SGCD: variants seen among roughly 807,000 people sequenced by gnomAD.
The protein encoded by SGCD is sarcoglycan delta.
SGCD carries 18 observed loss-of-function variants against 36.6 expected under a neutral mutation model. The observed-to-expected ratio is 0.49, with a 90% CI of 0.34 to 0.73. The LOEUF (loss-of-function observed/expected upper bound fraction) is 0.73. Ranked by LOEUF, SGCD falls within the 30% of genes least tolerant of loss-of-function variation. The pLI, the probability that SGCD is intolerant of heterozygous loss-of-function variation, is 0.01. For missense variants in SGCD, 387 were observed against 346.7 expected (o/e 1.12, Z -0.92); for synonymous variants, 133 against 130.6 (o/e 1.02, Z -0.12).
intron 3 of SGCD, among the ~76,000 whole-genome samples, chr5:156,256,995 A>G (rs1765731623): frequency 6.6e-6 from 1 of 152,048 alleles, no homozygotes. Context: ...CCTGGGCAAC[A>G]TAACGAGACC....
the SGCD span, among the ~76,000 whole-genome samples, chr5:155,809,220 G>A: frequency 1.1e-4 from 17 of 152,296 alleles, no homozygotes; most frequent in Middle Eastern, 3.4e-3. Flanking sequence ...GAAATCCACC[G>A]ACTGGCACTG....
intron 7 of SGCD, among the ~76,000 whole-genome samples, chr5:156,710,845 C>T (rs1008687233): frequency 1.3e-5 from 2 of 152,116 alleles, no homozygotes; most frequent in Non-Finnish European, 2.9e-5. Context: ...CTCAGCTAAT[C>T]TCTTCAGGAT....
At chr5:156,336,436 A>G (rs1284322212) in intron 2 of SGCD, among the ~76,000 whole-genome samples, 3 of 152,218 alleles carry the variant, frequency 2.0e-5, no homozygotes, top group African/African-American at 7.2e-5. Context: ...TCATTATGAT[A>G]GGTAACAAAA....
At chr5:155,816,057 G>A in the SGCD span, among the ~76,000 whole-genome samples, 43 of 152,316 alleles carry the variant, frequency 2.8e-4, no homozygotes, top group Non-Finnish European at 4.7e-4. Flanking sequence ...ACTGAAAATA[G>A]TGGTGGTGGG....
chr5:156,255,809 C>T (rs1477915460), intron 3 of SGCD, among the ~76,000 whole-genome samples: 1 of 151,972 alleles, frequency 6.6e-6, no homozygotes, highest in South Asian at 2.1e-4. Flanking sequence ...CACCTTTTGA[C>T]TTTATTGAAC....
At chr5:155,731,746 A>G in the SGCD span, among the ~76,000 whole-genome samples, 1 of 152,166 alleles carries the variant, frequency 6.6e-6, no homozygotes, top group African/African-American at 2.4e-5. Context: ...AAATCTCTTC[A>G]GTAGCTTCCG....
chr5:156,412,333 C>A (rs548061797), intron 3 of SGCD, among the ~76,000 whole-genome samples: 8 of 152,154 alleles, frequency 5.3e-5, no homozygotes, highest in Non-Finnish European at 1.2e-4. Flanking sequence ...TATAAAAGTT[C>A]TTTAAAAAGC....
chr5:155,774,952 C>T, the SGCD span, among the ~76,000 whole-genome samples: 17 of 152,262 alleles, frequency 1.1e-4, no homozygotes, highest in Admixed American at 1.1e-3. Context: ...TGATGCTGCA[C>T]ACATTTCAGT....
intron 7 of SGCD, among the ~76,000 whole-genome samples, chr5:156,660,305 G>A (rs1763860654): frequency 6.6e-6 from 1 of 152,366 alleles, no homozygotes; most frequent in African/African-American, 2.4e-5. Context: ...GTTTGGCAGG[G>A]CAGCGATCAT....
At chr5:156,179,405 G>A (rs1415601930) in intron 3 of SGCD, among the ~76,000 whole-genome samples, 1 of 151,754 alleles carries the variant, frequency 6.6e-6, no homozygotes, top group African/African-American at 2.4e-5. Flanking sequence ...GTTTCCTTTT[G>A]TATTATTAAA....
chr5:156,623,544 T>C (rs1019747020), intron 6 of SGCD, among the ~76,000 whole-genome samples: 6 of 152,106 alleles, frequency 3.9e-5, no homozygotes, highest in African/African-American at 1.4e-4. Context: ...ACTCTTCCAG[T>C]TGGAAAGAGC....
At chr5:156,331,628 TGA>T (rs971193066) in intron 2 of SGCD, among the ~76,000 whole-genome samples, 5 of 152,212 alleles carry the variant, frequency 3.3e-5, no homozygotes, top group African/African-American at 1.2e-4. Flanking sequence ...GACTGTCTTG[TGA>T]GCACCTTGAC....
intron 7 of SGCD, among the ~76,000 whole-genome samples, chr5:156,720,207 C>T (rs1294236599): frequency 6.6e-6 from 1 of 151,956 alleles, no homozygotes; most frequent in African/African-American, 2.4e-5. Context: ...ATATTGAGCA[C>T]CAATTATGGG....
intron 3 of SGCD, among the ~76,000 whole-genome samples, chr5:156,269,338 C>T (rs1006077882): frequency 4.0e-5 from 6 of 151,630 alleles, no homozygotes; most frequent in African/African-American, 1.5e-4. Flanking sequence ...GGCATGTTGG[C>T]GGGTGCCTGT....
chr5:156,077,914 A>G (rs1290897760), intron 1 of SGCD, among the ~76,000 whole-genome samples: 1 of 152,208 alleles, frequency 6.6e-6, no homozygotes, highest in Non-Finnish European at 1.5e-5. Flanking sequence ...TAGGCTTTAG[A>G]GAAGAGCATC....
At position 156,108,946 on chromosome 5, in the gene SGCD, C is replaced by T. The variant is rs542098641; in HGVS notation, c.-281-8932C>T. Among the ~76,000 whole-genome samples the T allele has an allele frequency of 2.0e-5, 3 of 152,220 alleles. No homozygotes were observed. The South Asian group carries it at 6.2e-4, about 32-fold the overall frequency. On this transcript the variant is annotated intron_variant, in intron 1 of 9. Transcript: ENST00000517913. ...TGGAACCTTTGTATTATTTATTTGTCTCCAATAATAACAGCAACAAACAGT... is the reference window on the plus strand; with the variant it reads ...TGGAACCTTTGTATTATTTATTTGTTTCCAATAATAACAGCAACAAACAGT...
chr5:156,374,576 A>C (rs1055344281), intron 3 of SGCD, among the ~76,000 whole-genome samples: 1 of 152,194 alleles, frequency 6.6e-6, no homozygotes, highest in Non-Finnish European at 1.5e-5. Context: ...TTTGCTAAAA[A>C]ACAAAGCAAA....
At chr5:156,730,301 T>G (rs959410208) in intron 7 of SGCD, among the ~76,000 whole-genome samples, 1 of 152,150 alleles carries the variant, frequency 6.6e-6, no homozygotes, top group Non-Finnish European at 1.5e-5. Context: ...CATGGGTGTT[T>G]GTTATACAGA....
chr5:155,949,221 C>A (rs1213421387), intron 1 of SGCD, among the ~76,000 whole-genome samples: 3 of 152,168 alleles, frequency 2.0e-5, no homozygotes, highest in Non-Finnish European at 2.9e-5. Context: ...CCAACAGATG[C>A]CTTTGTAAAC....
Sources: gnomAD v4.1 joint callset for allele counts (sites outside exome capture counted in the v4.1 genomes callset) on GRCh38, gnomAD v4.1.1 for gene constraint, MANE v1.5 for transcripts, NCBI Gene and HGNC (gene_info 2026-07-23, HGNC 2026-07-21) for gene names.